Variants in FAM24B observed in about 807,000 individuals in gnomAD.
FAM24B encodes the protein protein FAM24B.
A neutral mutation model predicts 2.3 loss-of-function variants in FAM24B; 3 were observed. That is an observed-to-expected ratio of 1.29 (90% confidence interval 0.59 to 3.32). The LOEUF is 3.32. Among genes scored for constraint, FAM24B ranks in the 30% most tolerant of loss-of-function variants. The pLI, the probability that FAM24B is intolerant of heterozygous loss-of-function variation, is 0.03. For synonymous variants in FAM24B, 36 were observed against 46.3 expected (o/e 0.78, Z 0.90); for missense variants, 98 against 117.2 (o/e 0.84, Z 0.76).
At chr10:122,872,604 C>T (rs1371522981) in intron 1 of FAM24B, among the ~76,000 whole-genome samples, 1 of 152,034 alleles carries the variant, frequency 6.6e-6, no homozygotes, top group East Asian at 1.9e-4. Flanking sequence ...TACTATGCAG[C>T]CATAAAAAAT....
intron 1 of FAM24B, among the ~76,000 whole-genome samples, chr10:122,878,000 T>A: frequency 6.6e-6 from 1 of 152,198 alleles, no homozygotes; most frequent in Non-Finnish European, 1.5e-5. Flanking sequence ...GTGAGAATTA[T>A]TTGGTAAAGC....
At chr10:122,863,257 T>TG (rs1451241723) in intron 1 of FAM24B, among the ~76,000 whole-genome samples, 4 of 152,346 alleles carry the variant, frequency 2.6e-5, no homozygotes, top group African/African-American at 9.6e-5. Flanking sequence ...TGCCTGGCAC[T>TG]AGCTCTTAGA....
chr10:122,858,136 A>G (rs1381066956), intron 1 of FAM24B, among the ~76,000 whole-genome samples: 1 of 152,246 alleles, frequency 6.6e-6, no homozygotes, highest in East Asian at 1.9e-4. Flanking sequence ...CACAATAGCA[A>G]AGACTTGGAA....
intron 1 of FAM24B, among the ~76,000 whole-genome samples, chr10:122,862,698 GGTT>G (rs1555074196): frequency 6.6e-6 from 1 of 151,854 alleles, no homozygotes; most frequent in Non-Finnish European, 1.5e-5. Context: ...TTACAAACTG[GGTT>G]TTTTAACACA....
At chr10:122,866,949 C>A (rs1206719711) in intron 1 of FAM24B, among the ~76,000 whole-genome samples, 3 of 152,188 alleles carry the variant, frequency 2.0e-5, no homozygotes, top group Admixed American at 6.5e-5. Flanking sequence ...CCCAGATAGG[C>A]TGACAACTAG....
intron 2 of FAM24B, chr10:122,855,188 G>A (rs775309956): frequency 1.3e-5 from 2 of 152,144 alleles, no homozygotes; most frequent in Non-Finnish European, 1.5e-5. Flanking sequence ...TGAACAATAT[G>A]CAATCGGATT....
chr10:122,865,240 G>A (rs1031147660), intron 1 of FAM24B, among the ~76,000 whole-genome samples: 24 of 152,134 alleles, frequency 1.6e-4, no homozygotes, highest in Admixed American at 2.6e-4. Context: ...TATGATGTTA[G>A]CTGTAGGTTG....
At chr10:122,875,508 T>C (rs926346597) in intron 1 of FAM24B, among the ~76,000 whole-genome samples, 5 of 152,202 alleles carry the variant, frequency 3.3e-5, no homozygotes, top group Admixed American at 6.5e-5. Context: ...ACATAATATA[T>C]CTGGAAGAAT....
rs1001636275 is a variant in FAM24B at position 122,876,908 on chromosome 10, A to G, written c.-178+2577T>C. Among the ~76,000 whole-genome samples, 30 of 152,202 alleles carry G rather than the reference A, an allele frequency of 2.0e-4. 1 individual carries two copies. Among genetic ancestry groups the G allele is most frequent in the Admixed American group, 1.6e-3 (25 of 15,284 alleles). On this transcript the variant is annotated intron_variant, in intron 1 of 3. Coordinates refer to ENST00000368898, the MANE Select transcript of FAM24B (RefSeq NM_152644.3). ...AGAATATTCAATATTTTGAGGGTAAAAGGTCCTGGGACTAAAGTGTTTGAT... is the reference window on the plus strand; with the variant it reads ...AGAATATTCAATATTTTGAGGGTAAGAGGTCCTGGGACTAAAGTGTTTGAT...
intron 1 of FAM24B, among the ~76,000 whole-genome samples, chr10:122,873,380 G>A (rs1476285064): frequency 6.6e-6 from 1 of 152,208 alleles, no homozygotes; most frequent in African/African-American, 2.4e-5. Flanking sequence ...AAACCAGGAT[G>A]ACAACACATT....
chr10:122,870,779 C>T (rs1204804996), intron 1 of FAM24B, among the ~76,000 whole-genome samples: 2 of 152,246 alleles, frequency 1.3e-5, no homozygotes, highest in East Asian at 1.9e-4. Flanking sequence ...ATTGACGGGA[C>T]GTATCTCAAA....
At chr10:122,856,998 T>C (rs1227152016) in intron 1 of FAM24B, among the ~76,000 whole-genome samples, 1 of 152,158 alleles carries the variant, frequency 6.6e-6, no homozygotes, top group Non-Finnish European at 1.5e-5. Flanking sequence ...TTTGGTTGTT[T>C]GTGATTGTAG....
At chr10:122,862,145 C>A (rs982828195) in intron 1 of FAM24B, among the ~76,000 whole-genome samples, 1 of 152,316 alleles carries the variant, frequency 6.6e-6, no homozygotes, top group Middle Eastern at 3.4e-3. Context: ...CACCTGAGTG[C>A]ATTCCTCTTT....
At chr10:122,852,734 C>T (rs1477431949) in intron 2 of FAM24B, among the ~76,000 whole-genome samples, 1 of 152,204 alleles carries the variant, frequency 6.6e-6, no homozygotes, top group Non-Finnish European at 1.5e-5. Flanking sequence ...TCTGACACCA[C>T]CCTGGTGGAG....
intron 1 of FAM24B, among the ~76,000 whole-genome samples, chr10:122,856,127 T>G (rs1190157886): frequency 1.3e-5 from 2 of 152,212 alleles, no homozygotes; most frequent in Non-Finnish European, 2.9e-5. Flanking sequence ...AGAATGCCCC[T>G]GCTGAAGCAG....
intron 3 of FAM24B, among the ~76,000 whole-genome samples, chr10:122,850,013 C>A (rs1847500838): frequency 6.6e-6 from 1 of 152,116 alleles, no homozygotes; most frequent in Non-Finnish European, 1.5e-5. Context: ...ATCAATCCAG[C>A]CCGTCCTCCA....
chr10:122,867,298 T>C (rs909395471), intron 1 of FAM24B, among the ~76,000 whole-genome samples: 2 of 152,232 alleles, frequency 1.3e-5, no homozygotes, highest in East Asian at 1.9e-4. Flanking sequence ...GCTGGGAAGA[T>C]TGAACTGGGT....
rs1343367022 is a variant in FAM24B at position 122,878,420 on chromosome 10, C to T, written c.-178+1065G>A. Among the ~76,000 whole-genome samples the T allele has an allele frequency of 2.6e-5, 4 of 152,126 alleles. No individual in the cohort carries two copies. The East Asian group carries it at 7.7e-4, about 29-fold the overall frequency. On this transcript the variant is annotated intron_variant, in intron 1 of 3. Coordinates refer to ENST00000368898, the MANE Select transcript of FAM24B (RefSeq NM_152644.3). ...TGGTGGTGCACGCCTGTAGTCCCAG[C>T]TACTCAGAAGGCTGAGGCAGGAGAA... is the stretch of plus-strand genomic sequence containing the variant.
chr10:122,869,852 C>T lies in FAM24B; in HGVS notation c.-178+9633G>A, dbSNP rs1028206183. On this transcript the variant is annotated intron_variant, in intron 1 of 3. Coordinates refer to ENST00000368898, the MANE Select transcript of FAM24B (RefSeq NM_152644.3). ...AAGGAGGGAAGATCTAAAATTGACA[C>T]CCTAACATCACAATTAAAAGAACTA... Among the ~76,000 whole-genome samples the T allele has an allele frequency of 2.6e-5, 4 of 152,170 alleles. No homozygotes were observed. In the East Asian group the frequency reaches 7.7e-4, roughly 29 times the overall value.
Sources: allele counts gnomAD v4.1 joint callset (sites outside exome capture counted in the v4.1 genomes callset), GRCh38; gene constraint gnomAD v4.1.1; transcripts MANE v1.5; gene names NCBI Gene and HGNC (gene_info 2026-07-23, HGNC 2026-07-21).